LAPTM4A: variants seen among roughly 807,000 people sequenced by gnomAD.
LAPTM4A encodes the protein lysosomal protein transmembrane 4 alpha.
A neutral mutation model predicts 29.9 loss-of-function variants in LAPTM4A; 19 were observed. That is an observed-to-expected ratio of 0.64 (90% CI 0.44 to 0.93). The LOEUF is 0.93. LAPTM4A is among the 40% of genes least tolerant of loss of function. The pLI is 0.00. For synonymous variants in LAPTM4A, 105 were observed against 102.1 expected (o/e 1.03, Z -0.17); for missense variants, 293 against 288.5 (o/e 1.02, Z -0.11).
chr2:20,048,700 G>A (rs1673991730), intron 1 of LAPTM4A, among the ~76,000 whole-genome samples: 1 of 152,178 alleles, frequency 6.6e-6, no homozygotes, highest in Non-Finnish European at 1.5e-5. Flanking sequence ...CATGCAGACT[G>A]AATTATTGCC....
rs184502645 is a variant in LAPTM4A at position 20,045,331 on chromosome 2, T to C, written c.112-4320A>G. 4.7e-4 allele frequency among the ~76,000 whole-genome samples: 71 copies of C among 152,198 alleles called. 1 individual carries two copies. Among genetic ancestry groups the C allele is most frequent in the African/African-American group, 1.7e-3 (70 of 41,518 alleles). On this transcript the variant is annotated intron_variant, in intron 1 of 6. Coordinates refer to ENST00000175091, the MANE Select transcript of LAPTM4A (RefSeq NM_014713.5). Reference sequence around the variant, plus strand: ...AAAAGAATGATTAAGCTGGGGACAGTGGTGTGTGCCTGTAGTCCCAGCTGG... The same window carrying C: ...AAAAGAATGATTAAGCTGGGGACAGCGGTGTGTGCCTGTAGTCCCAGCTGG...
chr2:20,033,459 G>A (rs754169272), intron 6 of LAPTM4A, among the ~76,000 whole-genome samples, 180 bp from the exon 7 acceptor site: 1 of 152,138 alleles, frequency 6.6e-6, no homozygotes, highest in Non-Finnish European at 1.5e-5. Context: ...ATTTTACCAA[G>A]ATTGCTAGCG....
Position 20,037,562 on chromosome 2 carries a change from T to TG in LAPTM4A, c.284dup (p.Met96AsnfsTer24), listed in dbSNP as rs761825649. 2 of 1,610,752 alleles carry TG rather than the reference T, an allele frequency of 1.2e-6. No individual in the cohort carries two copies. Among genetic ancestry groups the TG allele is most frequent in the South Asian group, 2.2e-5 (2 of 90,400 alleles). On this transcript the variant is annotated frameshift_variant, in exon 3 of 7. Coordinates refer to ENST00000175091, the MANE Select transcript of LAPTM4A (RefSeq NM_014713.5). LOFTEE classifies it high-confidence loss of function. Reference sequence around the variant, plus strand: ...CAGAAATTGCTCCATAAACCAGCATTGAACTGATTATAAACATAAGAACAG... The same window carrying TG: ...CAGAAATTGCTCCATAAACCAGCATTGGAACTGATTATAAACATAAGAACAG...
intron 1 of LAPTM4A, among the ~76,000 whole-genome samples, chr2:20,045,834 G>T (rs1257263036): frequency 6.6e-6 from 1 of 151,998 alleles, no homozygotes; most frequent in African/African-American, 2.4e-5. Context: ...ACAGTAATTT[G>T]CCCAGAGCCA....
At chr2:20,036,613 G>C (rs552160528) in intron 4 of LAPTM4A, among the ~76,000 whole-genome samples, 2 of 152,318 alleles carry the variant, frequency 1.3e-5, no homozygotes, top group Admixed American at 1.3e-4. Flanking sequence ...AAATCTGGTA[G>C]TGGGAAGAAA....
At chr2:20,033,614 T>C (rs1360898393) in intron 6 of LAPTM4A, among the ~76,000 whole-genome samples, 1 of 152,296 alleles carries the variant, frequency 6.6e-6, no homozygotes, top group East Asian at 1.9e-4. Context: ...ACTTCAGGTG[T>C]TGAGGAGTTG....
At chr2:20,042,114 A>G (rs1435841372) in intron 1 of LAPTM4A, among the ~76,000 whole-genome samples, 1 of 152,190 alleles carries the variant, frequency 6.6e-6, no homozygotes, top group African/African-American at 2.4e-5. Flanking sequence ...AATTAATGCA[A>G]CCTGAAGTTG....
At chr2:20,035,207 G>T in intron 4 of LAPTM4A, 145 bp from the exon 5 acceptor site, 1 of 635,502 alleles carries the variant, frequency 1.6e-6, no homozygotes. Context: ...AATTCAAAGT[G>T]CTTTTAAATT....
At chr2:20,049,441 A>G (rs1315619315) in intron 1 of LAPTM4A, among the ~76,000 whole-genome samples, 1 of 152,234 alleles carries the variant, frequency 6.6e-6, no homozygotes, top group Non-Finnish European at 1.5e-5. Context: ...CCCTTCTCAC[A>G]ACAAGGGCTT....
rs369334577 is a variant in LAPTM4A at position 20,051,095 on chromosome 2, T to C, written c.111+315A>G. ...ACAACAAGAACCAAAACAGAGGAAT[T>C]CCCACCAAATCCTACCACCCTCGTC... On this transcript the variant is annotated intron_variant, in intron 1 of 6. Coordinates refer to ENST00000175091, the MANE Select transcript of LAPTM4A (RefSeq NM_014713.5). Among the ~76,000 whole-genome samples the C allele has an allele frequency of 5.1e-4, 77 of 152,074 alleles. 1 individual carries two copies. Among genetic ancestry groups the C allele is most frequent in the African/African-American group, 1.7e-3 (69 of 41,488 alleles).
intron 5 of LAPTM4A, 75 bp downstream of exon 5, chr2:20,034,892 G>A (rs1317720830): frequency 9.7e-7 from 1 of 1,029,964 alleles, no homozygotes; most frequent in Non-Finnish European, 1.5e-6. Context: ...TGACTTGTAA[G>A]GTGAAAGGCA....
intron 1 of LAPTM4A, among the ~76,000 whole-genome samples, chr2:20,045,633 G>A (rs1296423794): frequency 2.0e-5 from 3 of 152,118 alleles, no homozygotes; most frequent in African/African-American, 4.8e-5. Context: ...GTTTTTGAAA[G>A]CTTCTACATC....
chr2:20,042,026 A>G (rs149857523), intron 1 of LAPTM4A, among the ~76,000 whole-genome samples: 1 of 152,334 alleles, frequency 6.6e-6, no homozygotes, highest in East Asian at 1.9e-4. Flanking sequence ...TTTGATGGAC[A>G]TATATTAAAA....
intron 1 of LAPTM4A, among the ~76,000 whole-genome samples, chr2:20,044,015 G>C (rs930149738): frequency 1.3e-5 from 2 of 152,176 alleles, no homozygotes; most frequent in African/African-American, 2.4e-5. Flanking sequence ...AAAATGTTTA[G>C]ACTTTACTGT....
Position 20,032,939 on chromosome 2 carries a change from C to A in LAPTM4A, c.*266G>T. ...GGCAAGTACCCTCTTTCCCTTCCCA[C>A]CCCCCAATTAAAGGCAAACAATGGC... On this transcript the variant is annotated 3_prime_UTR_variant, in exon 7 of 7. Transcript: ENST00000175091. 2 of 434,150 alleles carry A rather than the reference C, an allele frequency of 4.6e-6. No individual in the cohort carries two copies. The highest frequency in any genetic ancestry group is 8.0e-5 in the South Asian group (2 of 24,916). The allele number at this position is 434,150 out of a possible 1,614,324, so 26.9% of individuals were successfully genotyped here.
intron 4 of LAPTM4A, among the ~76,000 whole-genome samples, chr2:20,035,763 AGAG>A (rs1673665055): frequency 1.3e-5 from 2 of 152,242 alleles, no homozygotes; most frequent in African/African-American, 4.8e-5. Flanking sequence ...TGAACAAAAC[AGAG>A]GAGAGAAAAC....
intron 1 of LAPTM4A, among the ~76,000 whole-genome samples, chr2:20,047,393 G>GAA (rs1470350919): frequency 2.3e-4 from 22 of 94,172 alleles, no homozygotes; most frequent in African/African-American, 7.1e-4. Context: ...TCTCAAAAAA[G>GAA]AAAAAAAAAA....
chr2:20,048,007 G>A (rs984339462), intron 1 of LAPTM4A, among the ~76,000 whole-genome samples: 7 of 152,098 alleles, frequency 4.6e-5, no homozygotes, highest in African/African-American at 1.7e-4. Context: ...CAGAGGTGAG[G>A]GCTAGAAAGG....
rs1280116540 is a variant in LAPTM4A, at chr2:20,032,722, C to T, written c.*483G>A. 6.5e-6 allele frequency: 1 copy of T among 154,898 alleles called. No individual in the cohort carries two copies. The highest frequency in any genetic ancestry group is 1.9e-4 in the East Asian group (1 of 5,248). The allele number at this position is 154,898 out of a possible 1,614,324, so 9.6% of individuals were successfully genotyped here. On this transcript the variant is annotated 3_prime_UTR_variant, in exon 7 of 7. Transcript: ENST00000175091. Reference sequence around the variant, plus strand: ...ACATATACAAACTAGAAACATGCAACCATCATCTTCCACAGTCAAGTCACA... The same window carrying T: ...ACATATACAAACTAGAAACATGCAATCATCATCTTCCACAGTCAAGTCACA...
Sources: gnomAD v4.1 joint callset for allele counts (sites outside exome capture counted in the v4.1 genomes callset) on GRCh38, gnomAD v4.1.1 for gene constraint, MANE v1.5 for transcripts, NCBI Gene and HGNC (gene_info 2026-07-23, HGNC 2026-07-21) for gene names.